VRK2: variants seen among roughly 807,000 people sequenced by gnomAD.
VRK2 encodes the protein VRK serine/threonine kinase 2.
VRK2 carries 60 observed loss-of-function variants against 57.6 expected under a neutral mutation model. That is an observed-to-expected ratio of 1.04 (90% CI 0.85 to 1.29). The LOEUF is 1.29. Ranked by LOEUF, VRK2 falls within the 50% of genes most tolerant of loss-of-function variation. The probability of loss-of-function intolerance (pLI) is 0.00; values close to 1 mark genes in which losing one functional copy is unlikely to be tolerated. For synonymous variants in VRK2, 231 were observed against 199.2 expected (o/e 1.16, Z -1.35); for missense variants, 705 against 588.1 (o/e 1.20, Z -2.06).
At chr2:58,035,770 T>C (rs1188720891) in intron 3 of VRK2, among the ~76,000 whole-genome samples, 3 of 152,068 alleles carry the variant, frequency 2.0e-5, no homozygotes, top group African/African-American at 4.8e-5. Context: ...AGTAGAATCA[T>C]TCTATTTTAT....
intron 1 of VRK2, among the ~76,000 whole-genome samples, chr2:58,000,957 C>G (rs1300796872): frequency 6.6e-6 from 1 of 152,174 alleles, no homozygotes; most frequent in Non-Finnish European, 1.5e-5. Context: ...ATATGCATAG[C>G]AGCTGATCAG....
chr2:57,985,653 ATGTTCTGCTCTCACCAATCC>A (rs1213459799), intron 1 of VRK2, among the ~76,000 whole-genome samples: 15 of 152,246 alleles, frequency 9.9e-5, no homozygotes, highest in African/African-American at 3.6e-4. Context: ...CAAAATAAGG[ATGTTCTGCTCTCACCAATCC>A]TGTTCAAAAT....
At chr2:57,932,685 A>T (rs1209963640) in intron 1 of VRK2, among the ~76,000 whole-genome samples, 1 of 151,726 alleles carries the variant, frequency 6.6e-6, no homozygotes. Context: ...TACGTGATTT[A>T]TTTCTGCTCT....
chr2:57,924,923 T>A (rs1670482379), intron 1 of VRK2, among the ~76,000 whole-genome samples: 1 of 152,032 alleles, frequency 6.6e-6, no homozygotes, highest in Non-Finnish European at 1.5e-5. Context: ...CATGAAGGGA[T>A]GTTGAATATT....
chr2:58,126,865 T>C (rs1196871633), intron 8 of VRK2, among the ~76,000 whole-genome samples: 1 of 152,114 alleles, frequency 6.6e-6, no homozygotes, highest in Non-Finnish European at 1.5e-5. Flanking sequence ...GGTTACATTC[T>C]TAGTAATGTT....
intron 2 of VRK2, among the ~76,000 whole-genome samples, chr2:58,030,765 G>T (rs940160544): frequency 1.3e-5 from 2 of 152,158 alleles, no homozygotes; most frequent in East Asian, 1.9e-4. Flanking sequence ...GGTTGAAAGT[G>T]ATGCATATGA....
intron 3 of VRK2, among the ~76,000 whole-genome samples, chr2:58,033,906 T>C (rs1230692054): frequency 6.6e-6 from 1 of 152,060 alleles, no homozygotes; most frequent in Non-Finnish European, 1.5e-5. Context: ...TCTGTTAATC[T>C]GATACAATTT....
At chr2:58,041,792 A>ACTCC, upstream of VRK2, among the ~76,000 whole-genome samples, 1 of 152,124 alleles carries the variant, frequency 6.6e-6, no homozygotes, top group Non-Finnish European at 1.5e-5. Flanking sequence ...TCCATCAGTA[A>ACTCC]ACTAATACCC....
At chr2:57,980,572 T>C (rs977209904) in intron 1 of VRK2, among the ~76,000 whole-genome samples, 1 of 152,204 alleles carries the variant, frequency 6.6e-6, no homozygotes, top group African/African-American at 2.4e-5. Context: ...ATATCAAATT[T>C]CGGTACTGAA....
At chr2:58,066,538 T>A (rs1457446045) in intron 2 of VRK2, among the ~76,000 whole-genome samples, 1 of 152,182 alleles carries the variant, frequency 6.6e-6, no homozygotes, top group Non-Finnish European at 1.5e-5. Context: ...TTTATTTATT[T>A]CCCCTACCAT....
chr2:57,932,287 G>A (rs182759219), intron 1 of VRK2, among the ~76,000 whole-genome samples: 1 of 152,036 alleles, frequency 6.6e-6, no homozygotes, highest in Non-Finnish European at 1.5e-5. Flanking sequence ...TTTCTCTTTA[G>A]ATGTCTGATG....
chr2:57,912,622 T>C (rs937521801), intron 1 of VRK2, among the ~76,000 whole-genome samples: 2 of 152,120 alleles, frequency 1.3e-5, no homozygotes, highest in Non-Finnish European at 2.9e-5. Context: ...ATAAAGAGTT[T>C]CTTATGGTTT....
chr2:57,907,968 A>G (rs1669876257), intron 1 of VRK2: 1 of 152,202 alleles, frequency 6.6e-6, no homozygotes. Flanking sequence ...AGTACAGAAG[A>G]TCATTTCATC....
At chr2:58,102,875 TA>T (rs1674203864) in intron 7 of VRK2, among the ~76,000 whole-genome samples, 1 of 151,698 alleles carries the variant, frequency 6.6e-6, no homozygotes, top group South Asian at 2.1e-4. Flanking sequence ...ATCAAAATCA[TA>T]TCAAGTGTCA....
upstream of VRK2, among the ~76,000 whole-genome samples, chr2:58,042,889 A>G (rs1442845238): frequency 6.6e-6 from 1 of 152,102 alleles, no homozygotes; most frequent in Admixed American, 6.5e-5. Context: ...CATCATGTTC[A>G]TTCAGAAGAT....
At chr2:58,073,635 A>ATT (rs1046496932) in intron 2 of VRK2, among the ~76,000 whole-genome samples, 1 of 116,080 alleles carries the variant, frequency 8.6e-6, no homozygotes, top group African/African-American at 3.8e-5. Context: ...AACTAATAGG[A>ATT]TTATATATAT....
chr2:57,995,759 T>C (rs1315040599), intron 1 of VRK2, among the ~76,000 whole-genome samples: 1 of 152,236 alleles, frequency 6.6e-6, no homozygotes, highest in Non-Finnish European at 1.5e-5. Context: ...TACTTTTTCA[T>C]CAAGAACATT....
intron 7 of VRK2, among the ~76,000 whole-genome samples, chr2:58,119,343 CA>C (rs75250405): frequency 0.076 from 8,260 of 109,050 alleles, 705 homozygotes; most frequent in African/African-American, 0.23. Flanking sequence ...ACTAAAAATA[CA>C]AAAAAAAAAA....
chr2:58,094,298 C>T (rs952386740), intron 7 of VRK2, among the ~76,000 whole-genome samples: 9 of 152,174 alleles, frequency 5.9e-5, no homozygotes, highest in African/African-American at 2.2e-4. Context: ...TATCCATGAG[C>T]ATGGAATGTT....
Sources: allele counts gnomAD v4.1 joint callset (sites outside exome capture counted in the v4.1 genomes callset), GRCh38; gene constraint gnomAD v4.1.1; transcripts MANE v1.5; gene names NCBI Gene and HGNC (gene_info 2026-07-23, HGNC 2026-07-21).